Variants in TOP1 observed in about 807,000 individuals in gnomAD.
The protein encoded by TOP1 is DNA topoisomerase 1.
TOP1 carries 10 observed loss-of-function variants against 111.1 expected under a neutral mutation model. The ratio of observed to expected loss-of-function variants is 0.09; its 90% CI spans 0.06 to 0.15. TOP1 has a LOEUF of 0.15. Among genes scored for constraint, TOP1 ranks in the 10% least tolerant of loss-of-function variants. The probability of loss-of-function intolerance (pLI) is 1.00; values close to 1 mark genes in which losing one functional copy is unlikely to be tolerated. For missense variants in TOP1, 474 were observed against 926.7 expected (o/e 0.51, Z 6.34); for synonymous variants, 271 against 302.9 (o/e 0.89, Z 1.10).
chr20:41,114,233 T>C lies in TOP1; in HGVS notation c.1638+78T>C, dbSNP rs2034292762. ...TGGGTTGACTGCTTTTTTGTGTGCTTTGCACTTTGCTGGGCACCAGCAAAA... is the reference window on the plus strand; with the variant it reads ...TGGGTTGACTGCTTTTTTGTGTGCTCTGCACTTTGCTGGGCACCAGCAAAA... On this transcript the variant is annotated intron_variant, in intron 15 of 20. Transcript: ENST00000361337. The surrounding 1 kb of genome is among the most constrained non-coding windows in gnomAD (Gnocchi z 4.5). 1 of 1,342,958 alleles carries C rather than the reference T, an allele frequency of 7.4e-7. No individual in the cohort carries two copies. The highest frequency in any genetic ancestry group is 1.4e-5 in the African/African-American group (1 of 69,020). 83.2% of individuals were successfully genotyped at this position (1,342,958 alleles called of 1,614,324 possible).
chr20:41,098,376 A>C lies in TOP1; in HGVS notation c.975+39A>C. ...TATTAAACCTCTGGAGAATTCTGGA[A>C]TTGTGATTGGTTCATTTAACTTTCT... On this transcript the variant is annotated intron_variant, in intron 11 of 20. Transcript: ENST00000361337. The surrounding 1 kb of genome is among the most constrained non-coding windows in gnomAD (Gnocchi z 5.7). The C allele has an allele frequency of 6.3e-7, 1 of 1,595,400 alleles. No homozygotes were observed. The highest frequency in any genetic ancestry group is 8.5e-7 in the Non-Finnish European group (1 of 1,171,928).
rs185135814 is a variant in TOP1, at chr20:41,088,363, G to A, written c.614+3795G>A. ...AATACAAAAACAAAATTAGCTGGGCGTGGTGGCGGGCACCTGTCGTCCCCA... is the reference window on the plus strand; with the variant it reads ...AATACAAAAACAAAATTAGCTGGGCATGGTGGCGGGCACCTGTCGTCCCCA... On this transcript the variant is annotated intron_variant, in intron 8 of 20. Coordinates refer to ENST00000361337, the MANE Select transcript of TOP1 (RefSeq NM_003286.4). 1.0e-3 allele frequency among the ~76,000 whole-genome samples: 158 copies of A among 152,258 alleles called. 1 individual carries two copies. Among genetic ancestry groups the A allele is most frequent in the African/African-American group, 3.4e-3 (141 of 41,544 alleles).
chr20:41,033,581 C>T (rs1479427007), intron 2 of TOP1, among the ~76,000 whole-genome samples: 1 of 151,960 alleles, frequency 6.6e-6, no homozygotes, highest in Non-Finnish European at 1.5e-5. Flanking sequence ...TAATATACAG[C>T]TTTGTTGTAT....
chr20:41,060,023 G>A (rs2145926287), intron 2 of TOP1, among the ~76,000 whole-genome samples: 1 of 152,308 alleles, frequency 6.6e-6, no homozygotes, highest in South Asian at 2.1e-4. Flanking sequence ...ATTAAAGACT[G>A]ATAGCAGATA....
chr20:41,071,848 T>C lies in TOP1; in HGVS notation c.156-4323T>C, dbSNP rs73909135. Among the ~76,000 whole-genome samples the C allele has an allele frequency of 0.021, 3,144 of 152,298 alleles. 101 individuals are homozygous for C. Among genetic ancestry groups the C allele is most frequent in the African/African-American group, 0.071 (2,945 of 41,550 alleles). On this transcript the variant is annotated intron_variant, in intron 3 of 20. Transcript: ENST00000361337. The surrounding 1 kb of genome is among the most constrained non-coding windows in gnomAD (Gnocchi z 4.3). ...TCAGCATCTATGCCTAGCCAATAAT[T>C]GGTTGTTTTCTCGTTCAGAGTTCCT...
chr20:41,042,785 A>G (rs2033283961), intron 2 of TOP1, among the ~76,000 whole-genome samples: 1 of 152,238 alleles, frequency 6.6e-6, no homozygotes, highest in African/African-American at 2.4e-5. Flanking sequence ...GAAACAGTCA[A>G]TTAACACACA....
At chr20:41,036,956 A>G (rs2033195911) in intron 2 of TOP1, among the ~76,000 whole-genome samples, 3 of 149,458 alleles carry the variant, frequency 2.0e-5, no homozygotes, top group Non-Finnish European at 3.0e-5. Context: ...TTAGCCTCCT[A>G]AGTTGCTGGG....
At position 41,101,582 on chromosome 20, in the gene TOP1, C is replaced by T. The variant is rs2034064919; in HGVS notation, c.1308+229C>T. 6.6e-6 allele frequency among the ~76,000 whole-genome samples: 1 copy of T among 152,174 alleles called. No homozygotes were observed. Among genetic ancestry groups the T allele is most frequent in the Admixed American group, 6.5e-5 (1 of 15,288 alleles). On this transcript the variant is annotated intron_variant, in intron 13 of 20. Transcript: ENST00000361337. The surrounding 1 kb of genome is among the most constrained non-coding windows in gnomAD (Gnocchi z 4.1). ...AATTCACAAATATTTACTGAAATCC[C>T]AAATGTGCCCCACACAGTATACATT... is the stretch of plus-strand genomic sequence containing the variant.
intron 13 of TOP1, among the ~76,000 whole-genome samples, chr20:41,103,320 AACTT>A (rs1165557137): frequency 2.0e-5 from 3 of 152,184 alleles, no homozygotes; most frequent in Non-Finnish European, 4.4e-5. Flanking sequence ...TAGTAACTCT[AACTT>A]AGATCTTCTT....
Position 41,029,223 on chromosome 20 carries a change from G to T in TOP1, c.33+123G>T. 1 of 851,846 alleles carries T rather than the reference G, an allele frequency of 1.2e-6. No homozygotes were observed. Among genetic ancestry groups the T allele is most frequent in the Non-Finnish European group, 1.6e-6 (1 of 608,706 alleles). 52.8% of individuals were successfully genotyped at this position (851,846 alleles called of 1,614,324 possible). A position where few individuals can be genotyped will look rare whatever the true frequency, so the allele number is the denominator to read the frequency against. On this transcript the variant is annotated intron_variant, in intron 1 of 20. Coordinates refer to ENST00000361337, the MANE Select transcript of TOP1 (RefSeq NM_003286.4). The surrounding 1 kb of genome is among the most constrained non-coding windows in gnomAD (Gnocchi z 6.1). ...GACAGGCCGGAGCCCCCGGTGAGGG[G>T]CCGCCTGCCGGAGTAGATCGGCTCG... is the stretch of plus-strand genomic sequence containing the variant.
chr20:41,054,356 A>G (rs2033443077), intron 2 of TOP1, among the ~76,000 whole-genome samples: 1 of 152,164 alleles, frequency 6.6e-6, no homozygotes, highest in Non-Finnish European at 1.5e-5. Flanking sequence ...CATCATTTGA[A>G]GAAGGACGTG....
chr20:41,035,138 C>T (rs762162960), intron 2 of TOP1, among the ~76,000 whole-genome samples: 7 of 152,176 alleles, frequency 4.6e-5, no homozygotes, highest in Non-Finnish European at 1.0e-4. Context: ...GCAGCCTGCC[C>T]ACCTCAGCCT....
intron 3 of TOP1, among the ~76,000 whole-genome samples, chr20:41,063,252 C>T (rs1350009123): frequency 1.3e-5 from 2 of 152,170 alleles, no homozygotes; most frequent in East Asian, 1.9e-4. Context: ...ATCCATGTTG[C>T]TACAAAGGAC....
rs1600550038 is a variant in TOP1 at position 41,034,432 on chromosome 20, C to G, written c.58+4977C>G. 6.6e-6 allele frequency among the ~76,000 whole-genome samples: 1 copy of G among 152,298 alleles called. No homozygotes were observed. The highest frequency in any genetic ancestry group is 1.9e-4 in the East Asian group (1 of 5,186). On this transcript the variant is annotated intron_variant, in intron 2 of 20. Transcript: ENST00000361337. The surrounding 1 kb of genome is among the most constrained non-coding windows in gnomAD (Gnocchi z 4.0). ...AACCCCCACCCTCCCTGCCACCTGCCTATCTAGATGTGGACAGTATGTGCT... is the reference window on the plus strand; with the variant it reads ...AACCCCCACCCTCCCTGCCACCTGCGTATCTAGATGTGGACAGTATGTGCT...
intron 8 of TOP1, among the ~76,000 whole-genome samples, chr20:41,091,977 A>G (rs1395524501): frequency 1.3e-5 from 2 of 152,194 alleles, no homozygotes; most frequent in Non-Finnish European, 2.9e-5. Flanking sequence ...GGTAATGCGT[A>G]AGTACCTTAA....
intron 13 of TOP1, among the ~76,000 whole-genome samples, chr20:41,103,101 A>G (rs1367005365): frequency 6.6e-6 from 1 of 152,240 alleles, no homozygotes; most frequent in African/African-American, 2.4e-5. Flanking sequence ...ATATACTACT[A>G]AATGTCACTA....
chr20:41,113,273 C>T (rs1460455247), intron 14 of TOP1, among the ~76,000 whole-genome samples: 1 of 152,116 alleles, frequency 6.6e-6, no homozygotes, highest in Admixed American at 6.5e-5. Flanking sequence ...TGTTTTTCCC[C>T]CAGTCTTGTA....
intron 2 of TOP1, among the ~76,000 whole-genome samples, chr20:41,049,634 A>G (rs566460692): frequency 2.0e-5 from 3 of 152,288 alleles, no homozygotes; most frequent in South Asian, 2.1e-4. Flanking sequence ...AGCAGCTGCT[A>G]CTGTTGGGAT....
rs1020698192 is a variant in TOP1 at position 41,043,829 on chromosome 20, G to C, written c.58+14374G>C. On this transcript the variant is annotated intron_variant, in intron 2 of 20. Coordinates refer to ENST00000361337, the MANE Select transcript of TOP1 (RefSeq NM_003286.4). Reference sequence around the variant, plus strand: ...CAAAGGAGGACAAGCCTACAGGAATGGGCCTGCCCTAATTGAGCTGGCCTG... The same window carrying C: ...CAAAGGAGGACAAGCCTACAGGAATCGGCCTGCCCTAATTGAGCTGGCCTG... 1.5e-3 allele frequency among the ~76,000 whole-genome samples: 227 copies of C among 152,366 alleles called. 1 individual carries two copies. The highest frequency in any genetic ancestry group is 6.5e-4 in the Non-Finnish European group (44 of 68,036).
Sources: allele counts gnomAD v4.1 joint callset (sites outside exome capture counted in the v4.1 genomes callset), GRCh38; gene constraint gnomAD v4.1.1; non-coding constraint Gnocchi (gnomAD v3.1); transcripts MANE v1.5; gene names NCBI Gene and HGNC (gene_info 2026-07-23, HGNC 2026-07-21).